CPS1: variants seen among roughly 807,000 people sequenced by gnomAD.
CPS1 encodes the protein carbamoyl-phosphate synthase 1.
In CPS1, 109 loss-of-function variants were observed where a neutral mutation model predicts 174.6. The observed-to-expected ratio is 0.62, with a 90% CI of 0.53 to 0.73. CPS1 has a LOEUF of 0.73. Ranked by LOEUF, CPS1 falls within the 30% of genes least tolerant of loss-of-function variation. The pLI, the probability that CPS1 is intolerant of heterozygous loss-of-function variation, is 0.00. For missense variants in CPS1, 1,689 were observed against 1,821.9 expected (o/e 0.93, Z 1.33); for synonymous variants, 637 against 632.0 (o/e 1.01, Z -0.12).
intron 13 of CPS1, among the ~76,000 whole-genome samples, chr2:210,598,760 T>G (rs1698595892): frequency 6.6e-6 from 1 of 151,764 alleles, no homozygotes; most frequent in Admixed American, 6.6e-5. Context: ...CACACAATAA[T>G]AGTGGGAGGT....
chr2:210,571,886 T>C (rs935533761), intron 1 of CPS1, among the ~76,000 whole-genome samples: 1 of 149,914 alleles, frequency 6.7e-6, no homozygotes, highest in Admixed American at 6.7e-5. Flanking sequence ...TGTGTGTGTG[T>C]GTGTGTGTGT....
At chr2:210,644,759 C>T (rs1337265745) in intron 25 of CPS1, among the ~76,000 whole-genome samples, 1 of 151,328 alleles carries the variant, frequency 6.6e-6, no homozygotes, top group Non-Finnish European at 1.5e-5. Context: ...TGAAGTATTT[C>T]CTTTTCATGT....
In CPS1 at chr2:210,590,896, A is replaced by G. The variant is rs587780323; in HGVS notation, c.937A>G (p.Met313Val). The G allele has an allele frequency of 2.5e-5, 41 of 1,610,928 alleles. No homozygotes were observed. The highest frequency in any genetic ancestry group is 3.3e-4 in the Middle Eastern group (2 of 6,062). ...AAGAKTYKMS[M>V]ANRGQNQPVL... ...TGGTGCCAAAACCTACAAGATGTCC[A>G]TGGCCAACAGGTGAGGTATTTTCAC... The change falls in exon 9 of 38, where the codon ATG becomes GTG. Residue 313 changes from methionine (M) to valine (V), a missense_variant. Transcript: ENST00000233072.
intron 21 of CPS1, among the ~76,000 whole-genome samples, chr2:210,624,249 A>C (rs2105878276): frequency 6.6e-6 from 1 of 152,260 alleles, no homozygotes; most frequent in Non-Finnish European, 1.5e-5. Flanking sequence ...CACCCTAGTA[A>C]AAACAAAACA....
chr2:210,508,086 C>G (rs894337331), intron 1 of CPS1, among the ~76,000 whole-genome samples: 5 of 151,276 alleles, frequency 3.3e-5, no homozygotes, highest in African/African-American at 9.7e-5. Context: ...TTCTTTTCAG[C>G]ACCACACCAC....
intron 7 of CPS1, among the ~76,000 whole-genome samples, 174 bp from the exon 8 acceptor site, chr2:210,589,932 C>A (rs750153316): frequency 6.6e-6 from 1 of 151,962 alleles, no homozygotes; most frequent in Non-Finnish European, 1.5e-5. Context: ...GGATCACCGG[C>A]ATGAGCCACC....
At chr2:210,494,976 CAATTA>C (rs1266793303) in intron 1 of CPS1, among the ~76,000 whole-genome samples, 3 of 152,098 alleles carry the variant, frequency 2.0e-5, no homozygotes, top group Non-Finnish European at 2.9e-5. Flanking sequence ...TAAAACATAC[CAATTA>C]AATTAGAGCC....
chr2:210,625,015 C>A (rs1302093673), intron 21 of CPS1, among the ~76,000 whole-genome samples: 1 of 151,872 alleles, frequency 6.6e-6, no homozygotes, highest in Non-Finnish European at 1.5e-5. Context: ...CTGAACTAAG[C>A]GTGATGGGAT....
At chr2:210,566,462 T>A (rs1215699678) in intron 1 of CPS1, among the ~76,000 whole-genome samples, 1 of 152,174 alleles carries the variant, frequency 6.6e-6, no homozygotes, top group African/African-American at 2.4e-5. Context: ...TTTACAGATT[T>A]ATAGATAGGT....
intron 6 of CPS1, among the ~76,000 whole-genome samples, chr2:210,586,895 A>C (rs780854747): frequency 1.3e-5 from 2 of 152,020 alleles, no homozygotes; most frequent in Non-Finnish European, 2.9e-5. Context: ...AACTTCATTC[A>C]TTATCTTGTA....
At chr2:210,645,494 A>G (rs993907072) in intron 25 of CPS1, among the ~76,000 whole-genome samples, 1 of 152,178 alleles carries the variant, frequency 6.6e-6, no homozygotes, top group Non-Finnish European at 1.5e-5. Context: ...TGAAATTACA[A>G]TCTATAGAGT....
Position 210,612,304 on chromosome 2 carries a change from A to T in CPS1, c.2568+11A>T. The stretch of plus-strand genomic sequence containing the variant: ...TATGCCATTGCCAAGGTAAGATGTT[A>T]CAAGGGGCCCACAGCTACTAGTTGC... On this transcript the variant is annotated intron_variant, in intron 20 of 37. Transcript: ENST00000233072. 1 of 1,611,606 alleles carries T rather than the reference A, an allele frequency of 6.2e-7. No homozygotes were observed. Among genetic ancestry groups the T allele is most frequent in the Non-Finnish European group, 8.5e-7 (1 of 1,178,318 alleles).
rs1187117944 is a variant in CPS1, at chr2:210,658,642, C to G, written c.3710C>G (p.Ser1237Cys). The change falls in exon 31 of 38, where the codon TCT becomes TGT. Residue 1237 changes from serine to cysteine, a missense_variant. By Grantham distance (112) the Ser-to-Cys change is moderately radical. Coordinates refer to ENST00000233072, the MANE Select transcript of CPS1 (RefSeq NM_001875.5). ...AAGATTGCAAAGGCTTTTGCCATCT[C>G]TGGTCCATTCAACGTCCAATTTCTT... is the stretch of plus-strand genomic sequence containing the variant. ...TRKIAKAFAI[S>C]GPFNVQFLVK... 14 of 1,613,968 alleles carry G rather than the reference C, an allele frequency of 8.7e-6. No homozygotes were observed. Among genetic ancestry groups the G allele is most frequent in the Non-Finnish European group, 1.1e-5 (13 of 1,179,976 alleles).
At chr2:210,648,182 A>C in intron 26 of CPS1, 125 bp downstream of exon 26, 1 of 945,116 alleles carries the variant, frequency 1.1e-6, no homozygotes, top group Admixed American at 2.3e-5. Flanking sequence ...ACACTTAGTG[A>C]ATTTAAAGTT....
chr2:210,657,366 A>G (rs1352181843), intron 30 of CPS1: 1 of 146,990 alleles, frequency 6.8e-6, no homozygotes, highest in Non-Finnish European at 1.5e-5. Flanking sequence ...GTGGGACTGC[A>G]GTGGCGCGAT....
chr2:210,514,454 C>T (rs1193489556), intron 1 of CPS1, among the ~76,000 whole-genome samples: 1 of 151,444 alleles, frequency 6.6e-6, no homozygotes, highest in Non-Finnish European at 1.5e-5. Context: ...GTAAATGAGA[C>T]TGCATTCTTG....
intron 20 of CPS1, among the ~76,000 whole-genome samples, chr2:210,615,217 A>G (rs1429889306): frequency 6.6e-6 from 1 of 150,570 alleles, no homozygotes; most frequent in Non-Finnish European, 1.5e-5. Flanking sequence ...GCCGACAGCT[A>G]ATTGTGCCTT....
Position 210,593,089 on chromosome 2 carries a change from C to T in CPS1, c.1164+133C>T, listed in dbSNP as rs878941291. On this transcript the variant is annotated intron_variant, in intron 11 of 37. Transcript: ENST00000233072. Reference sequence around the variant, plus strand: ...TCAAGAAGAGTGCTTTGGTAACACACATTTTGTATTAAAATCTCCCCATGA... The same window carrying T: ...TCAAGAAGAGTGCTTTGGTAACACATATTTTGTATTAAAATCTCCCCATGA... 145 of 836,076 alleles carry T rather than the reference C, an allele frequency of 1.7e-4. 1 individual carries two copies. The South Asian group carries it at 2.1e-3, about 12-fold the overall frequency. The allele number at this position is 836,076 out of a possible 1,614,324, so 51.8% of individuals were successfully genotyped here.
At chr2:210,627,515 C>G (rs760685628) in intron 21 of CPS1, among the ~76,000 whole-genome samples, 1 of 152,122 alleles carries the variant, frequency 6.6e-6, no homozygotes, top group African/African-American at 2.4e-5. Flanking sequence ...AGAATTTCTT[C>G]AGCTGCTAAT....
Sources: allele counts gnomAD v4.1 joint callset (sites outside exome capture counted in the v4.1 genomes callset), GRCh38; gene constraint gnomAD v4.1.1; transcripts MANE v1.5; gene names NCBI Gene and HGNC (gene_info 2026-07-23, HGNC 2026-07-21).